The following SLC22A16 variants were observed in gnomAD, a reference collection of about 807,000 sequenced individuals.
SLC22A16 encodes the protein WUGSC:RG331P03.1.
SLC22A16 carries 53 observed loss-of-function variants against 52.9 expected under a neutral mutation model. The ratio of observed to expected loss-of-function variants is 1.00; its 90% CI spans 0.80 to 1.26. The LOEUF is 1.26. Among genes scored for constraint, SLC22A16 ranks in the 50% most tolerant of loss-of-function variants. SLC22A16 has a pLI of 0.00. For synonymous variants in SLC22A16, 291 were observed against 268.8 expected, an observed-to-expected ratio of 1.08 and a Z score of -0.81; for missense variants, 726 against 704.0, an observed-to-expected ratio of 1.03 and a Z score of -0.35.
At chr6:110,472,157 C>T (rs914880172) in intron 1 of SLC22A16, among the ~76,000 whole-genome samples, 4 of 152,202 alleles carry the variant, frequency 2.6e-5, no homozygotes, top group African/African-American at 4.8e-5. Context: ...GCTACCATCA[C>T]CCACACAAAC....
At chr6:110,432,642 C>T (rs992402579) in intron 6 of SLC22A16, among the ~76,000 whole-genome samples, 4 of 152,232 alleles carry the variant, frequency 2.6e-5, no homozygotes, top group Admixed American at 2.6e-4. Flanking sequence ...CCTGGGTCAG[C>T]CACAACGGAG....
intron 4 of SLC22A16, 75 bp downstream of exon 4, chr6:110,442,169 C>T: frequency 1.4e-6 from 2 of 1,421,848 alleles, no homozygotes; most frequent in Non-Finnish European, 1.9e-6. Context: ...CAAATTCACA[C>T]AGAAACAGAC....
In SLC22A16 at chr6:110,427,370, G is replaced by A. The variant is rs553476603; in HGVS notation, c.1522-2285C>T. ...CCACCTGCTACCTGTGTGGCTTTGG[G>A]CAAGTTACTTAACCTCTCTGCTCCT... On this transcript the variant is annotated intron_variant, in intron 7 of 7. Transcript: ENST00000368919. Among the ~76,000 whole-genome samples, 16 of 152,188 alleles carry A rather than the reference G, an allele frequency of 1.1e-4. No individual in the cohort carries two copies. The East Asian group carries it at 2.9e-3, about 28-fold the overall frequency.
At chr6:110,436,261 T>C (rs1284872716) in intron 5 of SLC22A16, among the ~76,000 whole-genome samples, 2 of 152,178 alleles carry the variant, frequency 1.3e-5, no homozygotes, top group East Asian at 3.8e-4. Flanking sequence ...GCCCTGATAG[T>C]GCTGGTGGCA....
rs1447287349 is a variant in SLC22A16, at chr6:110,442,309, A to G, written c.1118T>C (p.Phe373Ser). The G allele has an allele frequency of 1.7e-5, 27 of 1,614,234 alleles. No homozygotes were observed. In the East Asian group the frequency reaches 6.0e-4, roughly 36 times the overall value. ...WLIWFTGSLG[F>S]YSFSLNSVNL... Reference sequence around the variant, plus strand: ...AACAGAATTCAAGGAAAACGAGTAGAATCCCAAACTTCCAGTGAACCAGAT... The same window carrying G: ...AACAGAATTCAAGGAAAACGAGTAGGATCCCAAACTTCCAGTGAACCAGAT... The change falls in exon 4 of 8, where the codon TTC becomes TCC. Residue 373 changes from phenylalanine (F) to serine (S), a missense_variant. Transcript: ENST00000368919.
At chr6:110,445,631 A>G (rs555570920) in intron 3 of SLC22A16, among the ~76,000 whole-genome samples, 11 of 152,304 alleles carry the variant, frequency 7.2e-5, no homozygotes, top group African/African-American at 2.4e-4. Context: ...GATGTATTCT[A>G]TGGGTGTGGC....
intron 1 of SLC22A16, among the ~76,000 whole-genome samples, chr6:110,473,277 A>G (rs17071730): frequency 0.12 from 17,905 of 152,034 alleles, 1,323 homozygotes; most frequent in East Asian, 0.28. Context: ...CAGGCTCCAC[A>G]TTCCAACTCT....
At chr6:110,450,976 A>T (rs1775357274) in intron 2 of SLC22A16, among the ~76,000 whole-genome samples, 3 of 152,210 alleles carry the variant, frequency 2.0e-5, no homozygotes, top group South Asian at 4.1e-4. Flanking sequence ...TTTATAAGCA[A>T]TGCTAAACAA....
chr6:110,427,722 A>T (rs1312408148), intron 7 of SLC22A16, among the ~76,000 whole-genome samples: 1 of 152,080 alleles, frequency 6.6e-6, no homozygotes, highest in African/African-American at 2.4e-5. Context: ...CTGGTCCCAA[A>T]CCCCTGGCCC....
intron 2 of SLC22A16, among the ~76,000 whole-genome samples, chr6:110,447,329 C>T (rs529289700): frequency 6.6e-6 from 1 of 152,260 alleles, no homozygotes; most frequent in Admixed American, 6.5e-5. Flanking sequence ...ATCTTCCCTG[C>T]CAGGCTGGCT....
intron 6 of SLC22A16, among the ~76,000 whole-genome samples, chr6:110,435,149 G>A (rs1415403456): frequency 6.6e-6 from 1 of 152,106 alleles, no homozygotes; most frequent in Non-Finnish European, 1.5e-5. Flanking sequence ...CTGATGTTAT[G>A]GGCTAAGTTG....
In SLC22A16 at chr6:110,435,955, A is replaced by G; in HGVS notation, c.1318T>C (p.Tyr440His). 1 of 1,611,548 alleles carries G rather than the reference A, an allele frequency of 6.2e-7. No individual in the cohort carries two copies. Among genetic ancestry groups the G allele is most frequent in the Non-Finnish European group, 8.5e-7 (1 of 1,178,338 alleles). Residue 440 changes from tyrosine to histidine, a missense_variant, in exon 6 of 8, where the codon TAT (tyrosine) becomes CAT (histidine). By Grantham distance (83) the Tyr-to-His change is moderately conservative. Transcript: ENST00000368919. The stretch of plus-strand genomic sequence containing the variant: ...ATAGCTGTCACCACACCCAAAATAT[A>G]ATGTTTCTGAAAAAAATTTAGCAGA... ...GVVMVIPQKHYILGVVTAMVG... is the reference protein window; with the variant it reads ...GVVMVIPQKHHILGVVTAMVG...
intron 1 of SLC22A16, among the ~76,000 whole-genome samples, chr6:110,474,062 T>C (rs905491366): frequency 1.3e-5 from 2 of 152,110 alleles, no homozygotes; most frequent in African/African-American, 2.4e-5. Context: ...TAGATTCTCA[T>C]AGGAACGTGA....
intron 6 of SLC22A16, among the ~76,000 whole-genome samples, chr6:110,433,488 C>T (rs538342133): frequency 7.9e-5 from 12 of 152,176 alleles, no homozygotes; most frequent in Non-Finnish European, 1.6e-4. Flanking sequence ...CTACATCCCT[C>T]CTGCTTGTGG....
Position 110,435,931 on chromosome 6 carries a change from T to C in SLC22A16, c.1342A>G (p.Met448Val), listed in dbSNP as rs1347541765. Reference protein sequence around the residue: ...KHYILGVVTAMVGKFAIGAAF... With the variant: ...KHYILGVVTAVVGKFAIGAAF... ...GCCCCGATGGCAAATTTTCCAACCA[T>C]AGCTGTCACCACACCCAAAATATAA... Residue 448 changes from methionine (M) to valine (V), a missense_variant, in exon 6 of 8, where the codon ATG becomes GTG. Transcript: ENST00000368919. 6.2e-7 allele frequency: 1 copy of C among 1,614,010 alleles called. No homozygotes were observed. The highest frequency in any genetic ancestry group is 8.5e-7 in the Non-Finnish European group (1 of 1,179,900).
intron 5 of SLC22A16, among the ~76,000 whole-genome samples, chr6:110,436,524 G>A (rs1774737651): frequency 6.6e-6 from 1 of 152,172 alleles, no homozygotes; most frequent in South Asian, 2.1e-4. Flanking sequence ...TACTGGAGAA[G>A]CTAAGGCAGG....
chr6:110,447,305 C>T (rs889911778), intron 2 of SLC22A16, among the ~76,000 whole-genome samples: 3 of 152,066 alleles, frequency 2.0e-5, no homozygotes, highest in African/African-American at 7.2e-5. Context: ...AGGACTTTGG[C>T]TCTCTGTGGG....
intron 1 of SLC22A16, among the ~76,000 whole-genome samples, chr6:110,461,420 C>A (rs915576184): frequency 6.6e-6 from 1 of 152,156 alleles, no homozygotes; most frequent in African/African-American, 2.4e-5. Context: ...CCCCTGCTGG[C>A]CCCTACCCCT....
intron 1 of SLC22A16, among the ~76,000 whole-genome samples, chr6:110,472,998 G>C (rs1776311349): frequency 6.6e-6 from 1 of 152,148 alleles, no homozygotes; most frequent in Non-Finnish European, 1.5e-5. Context: ...GACTGCCAAG[G>C]TTTGATCTTG....
Sources: allele counts gnomAD v4.1 joint callset (sites outside exome capture counted in the v4.1 genomes callset), GRCh38; gene constraint gnomAD v4.1.1; transcripts MANE v1.5; gene names NCBI Gene and HGNC (gene_info 2026-07-23, HGNC 2026-07-21).